Variants in SUN2 observed in about 807,000 individuals in gnomAD.
The protein encoded by SUN2 is SUN domain-containing protein 2.
Under a neutral mutation model 100.0 loss-of-function variants are expected in SUN2, and 60 were observed. The ratio of observed to expected loss-of-function variants is 0.60; its 90% CI spans 0.49 to 0.74. The LOEUF is 0.74. Among genes scored for constraint, SUN2 ranks in the 30% least tolerant of loss-of-function variants. The probability of loss-of-function intolerance (pLI) is 0.00; values close to 1 mark genes in which losing one functional copy is unlikely to be tolerated. For missense variants in SUN2, 834 were observed against 954.6 expected (o/e 0.87, Z 1.66); for synonymous variants, 367 against 403.3 (o/e 0.91, Z 1.08).
In SUN2 at chr22:38,740,152, C is replaced by T. The variant is rs1294941952; in HGVS notation, c.1356+115G>A. ...CATGTGTCAAGGCCAACGCCACAGTCTCTTGGGCATAACAGAGGCTGCAGG... is the reference window on the plus strand; with the variant it reads ...CATGTGTCAAGGCCAACGCCACAGTTTCTTGGGCATAACAGAGGCTGCAGG... On this transcript the variant is annotated intron_variant, in intron 12 of 17. Transcript: ENST00000689035. The surrounding 1 kb of genome is among the most constrained non-coding windows in gnomAD (Gnocchi z 4.8). 14 of 1,371,352 alleles carry T rather than the reference C, an allele frequency of 1.0e-5. No homozygotes were observed. The highest frequency in any genetic ancestry group is 1.4e-5 in the Non-Finnish European group (14 of 1,036,462). The allele number at this position is 1,371,352 out of a possible 1,614,324, so 84.9% of individuals were successfully genotyped here.
rs1429188172 is a variant in SUN2, at chr22:38,740,811, C to A, written c.1190+196G>T. Reference sequence around the variant, plus strand: ...CAGCCTGCCCCCCGCCCTCAGGACCCCCCTGCTAACCTCCATGGCACCTCA... The same window carrying A: ...CAGCCTGCCCCCCGCCCTCAGGACCACCCTGCTAACCTCCATGGCACCTCA... On this transcript the variant is annotated intron_variant, in intron 11 of 17. Transcript: ENST00000689035. The surrounding 1 kb of genome is among the most constrained non-coding windows in gnomAD (Gnocchi z 4.8). The A allele has an allele frequency of 3.0e-5, 19 of 627,652 alleles. No homozygotes were observed. The East Asian group carries it at 5.2e-4, about 17-fold the overall frequency. The allele number at this position is 627,652 out of a possible 1,614,324, so 38.9% of individuals were successfully genotyped here. A position where few individuals can be genotyped will look rare whatever the true frequency, so the allele number is the denominator to read the frequency against.
intron 4 of SUN2, 79 bp downstream of exon 4, chr22:38,750,819 C>G: frequency 1.3e-6 from 2 of 1,583,760 alleles, no homozygotes; most frequent in Non-Finnish European, 1.7e-6. Flanking sequence ...CTCTCCAGCT[C>G]CCCGGGGCTC....
At position 38,751,393 on chromosome 22, in the gene SUN2, G is replaced by C; in HGVS notation, c.123-20C>G. The C allele has an allele frequency of 6.2e-7, 1 of 1,612,270 alleles. No homozygotes were observed. The highest frequency in any genetic ancestry group is 8.5e-7 in the Non-Finnish European group (1 of 1,179,908). ...AAGGTCCTGTGGGACAACCATGAGG[G>C]CAGAGGTAGGGAGCAGGGAGGTGAG... On this transcript the variant is annotated intron_variant, in intron 2 of 17. Coordinates refer to ENST00000689035, the MANE Select transcript of SUN2 (RefSeq NM_015374.3).
intron 5 of SUN2, 148 bp downstream of exon 5, chr22:38,750,077 C>A: frequency 7.5e-7 from 1 of 1,330,516 alleles, no homozygotes. Flanking sequence ...GTCCCCACAG[C>A]TCTGGGCTCC....
In SUN2 at chr22:38,738,546, C is replaced by G. The variant is rs201726682; in HGVS notation, c.1947+41G>C. ...CTCAGTAGAGAGGCCCACAGGATCC[C>G]CCTGCAGCCCCTCTGGCCCCACCAC... is the stretch of plus-strand genomic sequence containing the variant. On this transcript the variant is annotated intron_variant, in intron 16 of 17. Transcript: ENST00000689035. The surrounding 1 kb of genome is among the most constrained non-coding windows in gnomAD (Gnocchi z 6.6). 1 of 1,594,312 alleles carries G rather than the reference C, an allele frequency of 6.3e-7. No individual in the cohort carries two copies. The highest frequency in any genetic ancestry group is 8.6e-7 in the Non-Finnish European group (1 of 1,166,192).
rs1270065618 is a variant in SUN2 at position 38,737,887 on chromosome 22, GCCTT to G, written c.2040+282_2040+285del. On this transcript the variant is annotated intron_variant, in intron 17 of 17. Coordinates refer to ENST00000689035, the MANE Select transcript of SUN2 (RefSeq NM_015374.3). This position sits in a 1 kb window ranked among gnomAD's most constrained non-coding sequence, Gnocchi z 4.1. Reference sequence around the variant, plus strand: ...GGCGGCTCCTCGAACGCCTCTCCCGGCCTTCCTTTCCTGGCCACCCAACCCCTCT... The same window carrying G: ...GGCGGCTCCTCGAACGCCTCTCCCGGCCTTTCCTGGCCACCCAACCCCTCT... 1 of 627,628 alleles carries G rather than the reference GCCTT, an allele frequency of 1.6e-6. No homozygotes were observed. The allele number at this position is 627,628 out of a possible 1,614,324, so 38.9% of individuals were successfully genotyped here.
chr22:38,743,021 A>G (rs1376090358), intron 8 of SUN2: 1 of 156,754 alleles, frequency 6.4e-6, no homozygotes, highest in African/African-American at 2.4e-5. Flanking sequence ...CTAGGTAACT[A>G]TGGCTAAGAG....
At position 38,739,290 on chromosome 22, in the gene SUN2, C is replaced by T. The variant is rs193261446; in HGVS notation, c.1663+52G>A. 43 of 1,578,780 alleles carry T rather than the reference C, an allele frequency of 2.7e-5. No homozygotes were observed. Among genetic ancestry groups the T allele is most frequent in the East Asian group, 2.2e-4 (10 of 44,702 alleles). On this transcript the variant is annotated intron_variant, in intron 14 of 17. Coordinates refer to ENST00000689035, the MANE Select transcript of SUN2 (RefSeq NM_015374.3). The surrounding 1 kb of genome is among the most constrained non-coding windows in gnomAD (Gnocchi z 6.7). ...ACCAACCTGGTAGATGCCAGGGGAC[C>T]GGCCATTGCGGGGTCCAGGACAAGG...
chr22:38,736,110 G>C lies in SUN2; in HGVS notation c.*157C>G. On this transcript the variant is annotated 3_prime_UTR_variant, in exon 18 of 18. Coordinates refer to ENST00000689035, the MANE Select transcript of SUN2 (RefSeq NM_015374.3). ...TGCTAACCGCCTCGAGCCACCTGCT[G>C]CTCAGGAGACCCTGCCCGTCCTTTT... 1.3e-6 allele frequency: 1 copy of C among 741,424 alleles called. No individual in the cohort carries two copies. Among genetic ancestry groups the C allele is most frequent in the Non-Finnish European group, 2.4e-6 (1 of 415,866 alleles). 45.9% of individuals were successfully genotyped at this position (741,424 alleles called of 1,614,324 possible).
chr22:38,736,310 G>C lies in SUN2; in HGVS notation c.2111C>G (p.Thr704Ser). The change falls in exon 18 of 18, where the codon ACC (threonine) becomes AGC (serine). Residue 704 changes from threonine to serine, a missense_variant. Thr to Ser is a moderately conservative substitution (Grantham distance 58). This residue lies in a region of SUN2 where 80 missense variants were observed against 76.7 expected (regional missense o/e 1.04). Coordinates refer to ENST00000689035, the MANE Select transcript of SUN2 (RefSeq NM_015374.3). ...ILTNWGHPEY[T>S]CIYRFRVHGE... Reference sequence around the variant, plus strand: ...ATGCACTCTGAAGCGGTAGATGCAGGTGTACTCGGGGTGGCCCCAGTTAGT... The same window carrying C: ...ATGCACTCTGAAGCGGTAGATGCAGCTGTACTCGGGGTGGCCCCAGTTAGT... 1 of 1,614,052 alleles carries C rather than the reference G, an allele frequency of 6.2e-7. No homozygotes were observed. The highest frequency in any genetic ancestry group is 1.1e-5 in the South Asian group (1 of 91,080).
Position 38,739,243 on chromosome 22 carries a change from G to C in SUN2, c.1663+99C>G. On this transcript the variant is annotated intron_variant, in intron 14 of 17. Coordinates refer to ENST00000689035, the MANE Select transcript of SUN2 (RefSeq NM_015374.3). The surrounding 1 kb of genome is among the most constrained non-coding windows in gnomAD (Gnocchi z 6.7). ...GTTGGGTGATTTCTGCTGATCCTGA[G>C]CTTTGCTTGCTCTGCCCCACCACCA... 1 of 1,339,884 alleles carries C rather than the reference G, an allele frequency of 7.5e-7. No individual in the cohort carries two copies. Among genetic ancestry groups the C allele is most frequent in the East Asian group, 2.3e-5 (1 of 43,376 alleles). The allele number at this position is 1,339,884 out of a possible 1,614,324, so 83.0% of individuals were successfully genotyped here.
chr22:38,741,355 C>T, intron 10 of SUN2, 139 bp downstream of exon 10: 2 of 885,680 alleles, frequency 2.3e-6, no homozygotes, highest in Non-Finnish European at 3.5e-6. Flanking sequence ...GGGGGTCAAA[C>T]AGAGAAGTCA....
Position 38,739,872 on chromosome 22 carries a change from A to G in SUN2, c.1428T>C (p.Leu476=). ...GCTGAGCTTGCATCTCCTCTCTCTG[A>G]AGGAGCCCCACGCGGCCCCCTCCAC... ...ARGGGGRVGL[L]QREEMQAQLR... The change falls in exon 13 of 18, where the codon CTT becomes CTC. Residue 476 remains leucine, a synonymous_variant. Coordinates refer to ENST00000689035, the MANE Select transcript of SUN2 (RefSeq NM_015374.3). This position sits in a 1 kb window ranked among gnomAD's most constrained non-coding sequence, Gnocchi z 6.7. 1 of 1,613,388 alleles carries G rather than the reference A, an allele frequency of 6.2e-7. No homozygotes were observed. The highest frequency in any genetic ancestry group is 8.5e-7 in the Non-Finnish European group (1 of 1,180,004).
intron 7 of SUN2, among the ~76,000 whole-genome samples, chr22:38,747,033 C>A (rs931681080): frequency 6.9e-6 from 1 of 145,892 alleles, no homozygotes; most frequent in African/African-American, 2.6e-5. Context: ...ATCACACACA[C>A]ACAAAAAAGA....
Position 38,739,972 on chromosome 22 carries a change from G to C in SUN2, c.1357-29C>G, listed in dbSNP as rs1406348195. 5 of 1,599,380 alleles carry C rather than the reference G, an allele frequency of 3.1e-6. No individual in the cohort carries two copies. Among genetic ancestry groups the C allele is most frequent in the East Asian group, 2.2e-5 (1 of 44,770 alleles). On this transcript the variant is annotated intron_variant, in intron 12 of 17. Coordinates refer to ENST00000689035, the MANE Select transcript of SUN2 (RefSeq NM_015374.3). This position sits in a 1 kb window ranked among gnomAD's most constrained non-coding sequence, Gnocchi z 6.7. ...TAGGAACCCAAAGGGGTGTCACCCT[G>C]GGGGGCTTGCAGGGACAGCAGGAGC...
intron 1 of SUN2, chr22:38,754,880 C>T: frequency 3.1e-6 from 4 of 1,289,376 alleles, no homozygotes; most frequent in Non-Finnish European, 4.0e-6. Context: ...GGCATCCTGG[C>T]ATCACAAAAC....
At chr22:38,745,958 G>A in intron 7 of SUN2, 147 bp from the exon 8 acceptor site, 1 of 1,261,962 alleles carries the variant, frequency 7.9e-7, no homozygotes. Flanking sequence ...AGGGATGCAG[G>A]TGCCCCCATT....
At chr22:38,754,961 G>A (rs1348153413) in intron 1 of SUN2, 2 of 1,289,142 alleles carry the variant, frequency 1.6e-6, no homozygotes, top group Non-Finnish European at 2.0e-6. Flanking sequence ...CAAGAAGTGA[G>A]CCTCTGGGAG....
At position 38,737,967 on chromosome 22, in the gene SUN2, T is replaced by G; in HGVS notation, c.2040+206A>C. On this transcript the variant is annotated intron_variant, in intron 17 of 17. Transcript: ENST00000689035. The surrounding 1 kb of genome is among the most constrained non-coding windows in gnomAD (Gnocchi z 4.1). ...CTTTTCCAGGAAGCTTCCCTCATGC[T>G]GCCCTTCTGGAAGGTGCCTTCCCCT... is the stretch of plus-strand genomic sequence containing the variant. 1 of 704,924 alleles carries G rather than the reference T, an allele frequency of 1.4e-6. No homozygotes were observed. The highest frequency in any genetic ancestry group is 2.6e-6 in the Non-Finnish European group (1 of 377,706). 43.7% of individuals were successfully genotyped at this position (704,924 alleles called of 1,614,324 possible). A position where few individuals can be genotyped will look rare whatever the true frequency, so the allele number is the denominator to read the frequency against.
Sources: gnomAD v4.1 joint callset for allele counts (sites outside exome capture counted in the v4.1 genomes callset) on GRCh38, gnomAD v4.1.1 for gene constraint, gnomAD v4.1.1 regional missense constraint, Gnocchi (gnomAD v3.1) non-coding constraint, MANE v1.5 for transcripts, NCBI Gene and HGNC (gene_info 2026-07-23, HGNC 2026-07-21) for gene names.